Variants in CBL observed in about 807,000 individuals in gnomAD.
CBL encodes the protein Cbl proto-oncogene.
A neutral mutation model predicts 96.9 loss-of-function variants in CBL; 45 were observed. The observed-to-expected ratio is 0.46, with a 90% CI of 0.37 to 0.60. The LOEUF (loss-of-function observed/expected upper bound fraction) is 0.60, where lower values mean the gene tolerates loss of function less well. CBL is among the 20% of genes least tolerant of loss of function. CBL has a pLI of 0.00. For synonymous variants in CBL, 420 were observed against 426.8 expected (o/e 0.98, Z 0.20); for missense variants, 1,024 against 1,143.5 (o/e 0.90, Z 1.51).
rs758277436 is a variant in CBL at position 119,302,060 on chromosome 11, G to C, written c.*2279G>C. 1 of 232,900 alleles carries C rather than the reference G, an allele frequency of 4.3e-6. No homozygotes were observed. Among genetic ancestry groups the C allele is most frequent in the Admixed American group, 5.6e-5 (1 of 17,760 alleles). The allele number at this position is 232,900 out of a possible 1,614,324, so 14.4% of individuals were successfully genotyped here. On this transcript the variant is annotated 3_prime_UTR_variant, in exon 16 of 16. Transcript: ENST00000264033. Reference sequence around the variant, plus strand: ...CTTCTCTGGAGATTATCTCCCTACTGTGTAGGTTAAGGGCAGTCTCGACTT... The same window carrying C: ...CTTCTCTGGAGATTATCTCCCTACTCTGTAGGTTAAGGGCAGTCTCGACTT...
chr11:119,233,750 A>G (rs997440740), intron 2 of CBL, among the ~76,000 whole-genome samples: 1 of 152,202 alleles, frequency 6.6e-6, no homozygotes, highest in Non-Finnish European at 1.5e-5. Context: ...ATTCTTGAGT[A>G]GTGACTTGAA....
At chr11:119,282,945 A>T (rs1949949614) in intron 9 of CBL, among the ~76,000 whole-genome samples, 1 of 152,080 alleles carries the variant, frequency 6.6e-6, no homozygotes, top group African/African-American at 2.4e-5. Flanking sequence ...CCCCAAAAAA[A>T]AAAAAGCCAC....
intron 2 of CBL, among the ~76,000 whole-genome samples, chr11:119,270,455 T>C (rs1949837076): frequency 9.6e-6 from 1 of 104,468 alleles, no homozygotes; most frequent in Admixed American, 9.1e-5. Flanking sequence ...TTTTTTTTTT[T>C]TTTTTTTTTG....
chr11:119,306,496 C>T lies in CBL; in HGVS notation c.*6715C>T, dbSNP rs909773270. On this transcript the variant is annotated 3_prime_UTR_variant, in exon 16 of 16. Coordinates refer to ENST00000264033, the MANE Select transcript of CBL (RefSeq NM_005188.4). The stretch of plus-strand genomic sequence containing the variant: ...TCAATGCGTGCTATGTGCAACTCCT[C>T]AGGCCTTGTGCCACCTCCATGCTGA... 2.5e-6 allele frequency: 1 copy of T among 397,444 alleles called. No homozygotes were observed. The highest frequency in any genetic ancestry group is 4.4e-6 in the Non-Finnish European group (1 of 225,606). 24.6% of individuals were successfully genotyped at this position (397,444 alleles called of 1,614,324 possible).
chr11:119,216,009 G>T (rs1230188431), intron 1 of CBL, among the ~76,000 whole-genome samples: 1 of 152,234 alleles, frequency 6.6e-6, no homozygotes, highest in Admixed American at 6.5e-5. Flanking sequence ...GGGAGAGGGG[G>T]TGCTAATGAT....
intron 12 of CBL, among the ~76,000 whole-genome samples, chr11:119,288,989 A>G (rs1299616005): frequency 1.3e-5 from 2 of 152,158 alleles, no homozygotes; most frequent in African/African-American, 4.8e-5. Context: ...TTAATTTATG[A>G]GTTACTCATA....
chr11:119,259,719 T>C (rs977881414), intron 2 of CBL, among the ~76,000 whole-genome samples: 1 of 152,162 alleles, frequency 6.6e-6, no homozygotes, highest in Non-Finnish European at 1.5e-5. Flanking sequence ...AAACAAAGAT[T>C]GGGTCTCAAA....
chr11:119,258,071 A>G (rs1448678056), intron 2 of CBL, among the ~76,000 whole-genome samples: 2 of 152,070 alleles, frequency 1.3e-5, no homozygotes, highest in African/African-American at 2.4e-5. Flanking sequence ...TACCAAAAAT[A>G]TGAAAAATTA....
intron 2 of CBL, among the ~76,000 whole-genome samples, chr11:119,236,621 A>ATG (rs1949549012): frequency 6.7e-6 from 1 of 148,458 alleles, no homozygotes; most frequent in Non-Finnish European, 1.5e-5. Flanking sequence ...ATATATATAT[A>ATG]TACCCATAGG....
intron 12 of CBL, among the ~76,000 whole-genome samples, chr11:119,292,620 C>CAA (rs1427669437): frequency 6.6e-6 from 1 of 152,072 alleles, no homozygotes; most frequent in Admixed American, 6.6e-5. Flanking sequence ...GACGGGGTTT[C>CAA]ACCACGTTAG....
intron 2 of CBL, among the ~76,000 whole-genome samples, chr11:119,238,812 C>T (rs1344712619): frequency 2.6e-5 from 4 of 152,086 alleles, no homozygotes; most frequent in Non-Finnish European, 5.9e-5. Flanking sequence ...GGCTGGGCAA[C>T]GGAGCGAGAG....
chr11:119,260,341 T>C (rs1031638598), intron 2 of CBL, among the ~76,000 whole-genome samples: 1 of 151,970 alleles, frequency 6.6e-6, no homozygotes, highest in Non-Finnish European at 1.5e-5. Context: ...CCTCCTGGGT[T>C]CAATCAATTC....
At chr11:119,255,656 T>C (rs1949705804) in intron 2 of CBL, among the ~76,000 whole-genome samples, 1 of 152,154 alleles carries the variant, frequency 6.6e-6, no homozygotes, top group Admixed American at 6.5e-5. Context: ...TTTGTCTCAT[T>C]ACGGAAGTAA....
At chr11:119,252,399 C>T (rs1431671594) in intron 2 of CBL, among the ~76,000 whole-genome samples, 1 of 152,088 alleles carries the variant, frequency 6.6e-6, no homozygotes, top group Non-Finnish European at 1.5e-5. Flanking sequence ...TGATTCCTTT[C>T]CTCCTGTTCT....
intron 2 of CBL, among the ~76,000 whole-genome samples, chr11:119,264,638 T>C (rs1210897936): frequency 6.6e-6 from 1 of 151,770 alleles, no homozygotes; most frequent in East Asian, 1.9e-4. Flanking sequence ...CATGCCACCA[T>C]GCCCAGCTGA....
Position 119,209,872 on chromosome 11 carries a change from GAACTTA to G in CBL, c.195+3268_195+3273del, listed in dbSNP as rs760227268. Among the ~76,000 whole-genome samples, 54 of 152,156 alleles carry G rather than the reference GAACTTA, an allele frequency of 3.5e-4. 1 individual carries two copies. Among genetic ancestry groups the G allele is most frequent in the Non-Finnish European group, 7.3e-5 (5 of 68,034 alleles). On this transcript the variant is annotated intron_variant, in intron 1 of 15. Coordinates refer to ENST00000264033, the MANE Select transcript of CBL (RefSeq NM_005188.4). Reference sequence around the variant, plus strand: ...AGGCCCGATTTACTAATCCATTATGGAACTTAAACTTAACTGTTGGAAAAATGTTTG... The same window carrying G: ...AGGCCCGATTTACTAATCCATTATGGAACTTAACTGTTGGAAAAATGTTTG...
At chr11:119,243,553 A>G (rs1949603391) in intron 2 of CBL, among the ~76,000 whole-genome samples, 1 of 149,638 alleles carries the variant, frequency 6.7e-6, no homozygotes, top group African/African-American at 2.5e-5. Context: ...GAGTAACGAT[A>G]TGACAATATG....
chr11:119,230,893 AC>A (rs1341287700), intron 1 of CBL, among the ~76,000 whole-genome samples: 22 of 152,262 alleles, frequency 1.4e-4, no homozygotes. Context: ...GACTAAACTT[AC>A]CAGTTAGAAA....
At chr11:119,277,614 T>A (rs1949899651) in intron 6 of CBL, 143 bp from the exon 7 acceptor site, 1 of 650,974 alleles carries the variant, frequency 1.5e-6, no homozygotes, top group African/African-American at 1.9e-5. Context: ...TTGGAAGTAT[T>A]TTTTTTTTGA....
Sources: gnomAD v4.1 joint callset for allele counts (sites outside exome capture counted in the v4.1 genomes callset) on GRCh38, gnomAD v4.1.1 for gene constraint, MANE v1.5 for transcripts, NCBI Gene and HGNC (gene_info 2026-07-23, HGNC 2026-07-21) for gene names.